CKMT2: variants seen among roughly 807,000 people sequenced by gnomAD.
CKMT2 encodes the protein creatine kinase, mitochondrial 2.
CKMT2 carries 43 observed loss-of-function variants against 48.9 expected under a neutral mutation model. The ratio of observed to expected loss-of-function variants is 0.88; its 90% CI spans 0.69 to 1.13. The LOEUF is 1.13. Among genes scored for constraint, CKMT2 ranks in the 50% most tolerant of loss-of-function variants. CKMT2 has a pLI of 0.00. For missense variants in CKMT2, 472 were observed against 555.4 expected, an observed-to-expected ratio of 0.85 and a Z score of 1.51; for synonymous variants, 206 against 213.0, an observed-to-expected ratio of 0.97 and a Z score of 0.29.
At chr5:81,244,847 ATT>A (rs71000809) in intron 1 of CKMT2, 219 of 113,590 alleles carry the variant, frequency 1.9e-3, no homozygotes, top group Middle Eastern at 4.9e-3. Context: ...CCCCCTCACT[ATT>A]TTTTTTTTTT....
intron 1 of CKMT2, among the ~76,000 whole-genome samples, chr5:81,236,292 G>A (rs553544719): frequency 6.6e-6 from 1 of 152,210 alleles, no homozygotes; most frequent in East Asian, 1.9e-4. Context: ...CCACAGGGGT[G>A]GTTTCCCTCC....
chr5:81,251,574 A>G (rs929793260), intron 2 of CKMT2, among the ~76,000 whole-genome samples: 5 of 152,172 alleles, frequency 3.3e-5, no homozygotes, highest in African/African-American at 1.2e-4. Flanking sequence ...GCAACAGAGC[A>G]AGACTCCGTC....
Position 81,266,352 on chromosome 5 carries a change from A to G in CKMT2, c.*94A>G. On this transcript the variant is annotated 3_prime_UTR_variant, in exon 10 of 10. Coordinates refer to ENST00000254035, the MANE Select transcript of CKMT2 (RefSeq NM_001099735.2). ...GTTTTTATACACTTGGAAAAATATA[A>G]AATTGTAGATCCTGCCTATCTTTAC... 8.3e-7 allele frequency: 1 copy of G among 1,209,546 alleles called. No individual in the cohort carries two copies. The highest frequency in any genetic ancestry group is 1.2e-6 in the Non-Finnish European group (1 of 851,436). The allele number at this position is 1,209,546 out of a possible 1,614,324, so 74.9% of individuals were successfully genotyped here.
chr5:81,248,420 T>C (rs372265378), intron 1 of CKMT2, among the ~76,000 whole-genome samples: 4 of 152,062 alleles, frequency 2.6e-5, no homozygotes, highest in East Asian at 1.9e-4. Flanking sequence ...AGAAAGTGGG[T>C]TTGAGGGTGT....
In CKMT2 at chr5:81,254,437, C is replaced by T; in HGVS notation, c.393C>T (p.His131=). 1.9e-6 allele frequency: 3 copies of T among 1,614,180 alleles called. No individual in the cohort carries two copies. Among genetic ancestry groups the T allele is most frequent in the Non-Finnish European group, 2.5e-6 (3 of 1,180,028 alleles). ...DLFDPVIKLR[H]NGYDPRVMKH... ...TTGACCCCGTCATCAAACTAAGACA[C>T]AACGGCTATGACCCCAGGGTGATGA... The change falls in exon 4 of 10, where the codon CAC becomes CAT. Residue 131 remains histidine (H), a synonymous_variant. Transcript: ENST00000254035.
intron 1 of CKMT2, 123 bp from the exon 2 acceptor site, chr5:81,250,990 G>T: frequency 1.7e-6 from 1 of 572,182 alleles, no homozygotes; most frequent in Non-Finnish European, 3.0e-6. Context: ...GAAAGAGAGA[G>T]AGAGAGACAG....
At chr5:81,263,703 C>CA in intron 9 of CKMT2, 87 bp downstream of exon 9, 1 of 1,330,382 alleles carries the variant, frequency 7.5e-7, no homozygotes, top group South Asian at 1.6e-5. Context: ...GCCGTTTTCA[C>CA]AAAATTCGAG....
At chr5:81,257,609 G>C in intron 6 of CKMT2, 124 bp from the exon 7 acceptor site, 1 of 777,118 alleles carries the variant, frequency 1.3e-6, no homozygotes, top group Non-Finnish European at 2.0e-6. Context: ...ACAGTTAAGA[G>C]ATTAGGGCCA....
In CKMT2 at chr5:81,252,834, C is replaced by G; in HGVS notation, c.292C>G (p.Pro98Ala). The G allele has an allele frequency of 6.2e-7, 1 of 1,614,236 alleles. No individual in the cohort carries two copies. The highest frequency in any genetic ancestry group is 1.1e-5 in the South Asian group (1 of 91,080). Residue 98 changes from proline to alanine, a missense_variant, in exon 3 of 10, where the codon CCT becomes GCT. Transcript: ENST00000254035. Reference protein sequence around the residue: ...DQCIQTGVDNPGHPFIKTVGM... With the variant: ...DQCIQTGVDNAGHPFIKTVGM... ...GTGCATCCAGACTGGAGTGGACAAC[C>G]CTGGCCACCCCTTCATAAAGACTGT...
chr5:81,266,131 T>C lies in CKMT2; in HGVS notation c.1141-8T>C, dbSNP rs199587442. The C allele has an allele frequency of 8.1e-4, 1,300 of 1,610,884 alleles. 1 individual carries two copies. The highest frequency in any genetic ancestry group is 1.0e-3 in the Non-Finnish European group (1,198 of 1,177,676). On this transcript the variant is annotated splice_region_variant and splice_polypyrimidine_tract_variant and intron_variant, in intron 9 of 9. Transcript: ENST00000254035. ...CAAATTAATCATTCATCTTCTTCAC[T>C]GTCAAAGGTTGAGCTTGTTCAGATA... is the stretch of plus-strand genomic sequence containing the variant.
At chr5:81,258,064 A>G in intron 7 of CKMT2, 1 of 419,678 alleles carries the variant, frequency 2.4e-6, no homozygotes, top group Non-Finnish European at 4.3e-6. Flanking sequence ...ACACCTGGCT[A>G]ATTTTTGTAT....
At chr5:81,266,092 C>T in intron 9 of CKMT2, 47 bp from the exon 10 acceptor site, 1 of 1,590,728 alleles carries the variant, frequency 6.3e-7, no homozygotes, top group Non-Finnish European at 8.6e-7. Context: ...CAATGCCCTG[C>T]AGATGCTTCT....
intron 1 of CKMT2, among the ~76,000 whole-genome samples, chr5:81,245,601 T>C (rs1434403936): frequency 1.3e-5 from 2 of 152,192 alleles, no homozygotes; most frequent in African/African-American, 4.8e-5. Context: ...TAGGGCACAA[T>C]GTCATCACTG....
chr5:81,256,992 G>A lies in CKMT2; in HGVS notation c.747G>A (p.Arg249=), dbSNP rs1580452457. The part of the protein sequence containing the change: ...AGMARDWPDA[R]GIWHNYDKTF... ...TGGCCCGTGACTGGCCAGATGCCAG[G>A]GGAATCTGGTATGGATGCAGCATTT... The change falls in exon 6 of 10, where the codon AGG becomes AGA. Residue 249 remains arginine (R), a synonymous_variant. Transcript: ENST00000254035. 6.2e-7 allele frequency: 1 copy of A among 1,612,564 alleles called. No individual in the cohort carries two copies. The highest frequency in any genetic ancestry group is 8.5e-7 in the Non-Finnish European group (1 of 1,178,726).
At chr5:81,234,338 A>C (rs1256822371) in intron 1 of CKMT2, among the ~76,000 whole-genome samples, 2 of 152,150 alleles carry the variant, frequency 1.3e-5, no homozygotes, top group Admixed American at 1.3e-4. Context: ...CCTCAGGACA[A>C]GGTTACGCTA....
chr5:81,257,596 G>C, intron 6 of CKMT2, 137 bp from the exon 7 acceptor site: 1 of 625,790 alleles, frequency 1.6e-6, no homozygotes, highest in Non-Finnish European at 2.6e-6. Context: ...TACTTGTTCA[G>C]GCACAGTTAA....
At chr5:81,260,055 A>G (rs1757158983) in intron 8 of CKMT2, among the ~76,000 whole-genome samples, 1 of 152,206 alleles carries the variant, frequency 6.6e-6, no homozygotes. Flanking sequence ...AGAACTCAAG[A>G]TTAAGAAACT....
At chr5:81,243,696 ATTTT>A (rs549451922) in intron 1 of CKMT2, among the ~76,000 whole-genome samples, 2 of 145,282 alleles carry the variant, frequency 1.4e-5, no homozygotes, top group Admixed American at 6.9e-5. Context: ...TCCTAATAGG[ATTTT>A]TTTTTTTTTG....
chr5:81,248,671 A>T (rs1173172179), intron 1 of CKMT2, among the ~76,000 whole-genome samples: 2 of 152,238 alleles, frequency 1.3e-5, no homozygotes, highest in African/African-American at 4.8e-5. Context: ...TGCTCTTAGT[A>T]ACTTACTGGC....
Sources: allele counts gnomAD v4.1 joint callset (sites outside exome capture counted in the v4.1 genomes callset), GRCh38; gene constraint gnomAD v4.1.1; transcripts MANE v1.5; gene names NCBI Gene and HGNC (gene_info 2026-07-23, HGNC 2026-07-21).